CFAP299: variants seen among roughly 807,000 people sequenced by gnomAD.
CFAP299 encodes the protein cilia and flagella associated protein 299.
CFAP299 carries 21 observed loss-of-function variants against 27.0 expected under a neutral mutation model. The observed-to-expected ratio is 0.78, with a 90% confidence interval of 0.55 to 1.12. CFAP299 has a LOEUF of 1.12. Ranked by LOEUF, CFAP299 falls within the 50% of genes most tolerant of loss-of-function variation. The pLI is 0.00. For synonymous variants in CFAP299, 104 were observed against 98.1 expected (o/e 1.06, Z -0.36); for missense variants, 310 against 276.6 (o/e 1.12, Z -0.86).
chr4:80,362,936 G>C, intron 2 of CFAP299, 52 bp downstream of exon 2: 1 of 1,534,304 alleles, frequency 6.5e-7, no homozygotes, highest in Non-Finnish European at 8.7e-7. Context: ...TAGACCTCTG[G>C]AGTAATTCAA....
chr4:80,342,288 G>A (rs1387365608), intron 1 of CFAP299, among the ~76,000 whole-genome samples: 1 of 152,108 alleles, frequency 6.6e-6, no homozygotes, highest in Non-Finnish European at 1.5e-5. Context: ...AAGAAGATAG[G>A]CCAACATTCA....
intron 3 of CFAP299, among the ~76,000 whole-genome samples, chr4:80,697,796 A>T (rs1307818919): frequency 6.6e-6 from 1 of 152,244 alleles, no homozygotes; most frequent in Non-Finnish European, 1.5e-5. Flanking sequence ...GTGTGAGCTA[A>T]CATGGCATAG....
At chr4:80,756,839 T>C (rs1456419882) in intron 3 of CFAP299, among the ~76,000 whole-genome samples, 1 of 152,184 alleles carries the variant, frequency 6.6e-6, no homozygotes, top group Non-Finnish European at 1.5e-5. Context: ...AGATTAGAAA[T>C]ATTTTAAAGA....
rs141812642 is a variant in CFAP299 at position 80,615,679 on chromosome 4, G to C, written c.333+32496G>C. 1.3e-5 allele frequency among the ~76,000 whole-genome samples: 2 copies of C among 151,982 alleles called. 1 individual carries two copies. Among genetic ancestry groups the C allele is most frequent in the Non-Finnish European group, 2.9e-5 (2 of 68,008 alleles). ...AGCCTTCCAAGTAGCTGGGATCCCA[G>C]GTGTGAACCACCATGCCCTGCTTAG... is the stretch of plus-strand genomic sequence containing the variant. On this transcript the variant is annotated intron_variant, in intron 3 of 5. Transcript: ENST00000358105.
intron 2 of CFAP299, among the ~76,000 whole-genome samples, chr4:80,548,290 C>T (rs1287539754): frequency 6.6e-6 from 1 of 152,094 alleles, no homozygotes; most frequent in African/African-American, 2.4e-5. Flanking sequence ...AACAGAAATT[C>T]AAATACCTTA....
intron 2 of CFAP299, chr4:80,386,355 T>C: frequency 7.0e-7 from 1 of 1,434,730 alleles, no homozygotes; most frequent in Non-Finnish European, 9.5e-7. Context: ...CGCGTTCAGC[T>C]CTGCGAAGGG....
chr4:80,366,021 G>C (rs975665441), intron 2 of CFAP299, among the ~76,000 whole-genome samples: 17 of 152,338 alleles, frequency 1.1e-4, no homozygotes, highest in African/African-American at 4.1e-4. Context: ...GGTTGCCTTT[G>C]TAATGGGATG....
rs188696730 is a variant in CFAP299, at chr4:80,710,054, T to C, written c.333+126871T>C. ...ATAAAGTGGGAATAATACTAGCAAATGTAGCTGAAAGAAAATATGTAGAAT... is the reference window on the plus strand; with the variant it reads ...ATAAAGTGGGAATAATACTAGCAAACGTAGCTGAAAGAAAATATGTAGAAT... On this transcript the variant is annotated intron_variant, in intron 3 of 5. Transcript: ENST00000358105. Among the ~76,000 whole-genome samples the C allele has an allele frequency of 5.0e-3, 768 of 152,146 alleles. 5 individuals carry two copies. The highest frequency in any genetic ancestry group is 0.02 in the Middle Eastern group (6 of 294).
intron 2 of CFAP299, among the ~76,000 whole-genome samples, chr4:80,397,209 G>A (rs1725851147): frequency 6.6e-6 from 1 of 152,096 alleles, no homozygotes. Context: ...TTGTATTTCT[G>A]TGGGATCGGT....
chr4:80,563,513 A>T (rs948941093), intron 2 of CFAP299, among the ~76,000 whole-genome samples: 2 of 152,102 alleles, frequency 1.3e-5, no homozygotes, highest in Non-Finnish European at 2.9e-5. Context: ...TTATGGAAAC[A>T]CAACATATCA....
chr4:80,772,358 A>G (rs1726268779), intron 3 of CFAP299, among the ~76,000 whole-genome samples: 2 of 152,138 alleles, frequency 1.3e-5, no homozygotes, highest in South Asian at 4.1e-4. Flanking sequence ...AGGAGATGTG[A>G]CTGACCATAG....
intron 2 of CFAP299, among the ~76,000 whole-genome samples, chr4:80,363,969 C>T (rs571728851): frequency 3.9e-5 from 6 of 151,988 alleles, no homozygotes; most frequent in African/African-American, 1.4e-4. Context: ...AGCCTGTAGT[C>T]CCAGTTACTC....
chr4:80,887,786 C>G (rs1734045235), intron 4 of CFAP299, among the ~76,000 whole-genome samples: 1 of 151,788 alleles, frequency 6.6e-6, no homozygotes, highest in South Asian at 2.1e-4. Context: ...AGACATAGTG[C>G]AATAAGACAT....
At chr4:80,856,517 T>C (rs897554535) in intron 3 of CFAP299, among the ~76,000 whole-genome samples, 1 of 152,056 alleles carries the variant, frequency 6.6e-6, no homozygotes, top group African/African-American at 2.4e-5. Context: ...GGTTTTCTTC[T>C]AGGGTTTTTA....
intron 2 of CFAP299, among the ~76,000 whole-genome samples, chr4:80,421,773 A>C (rs1286364535): frequency 6.6e-6 from 1 of 152,218 alleles, no homozygotes; most frequent in Non-Finnish European, 1.5e-5. Context: ...ATTCTCAAAG[A>C]GATCTTTTAC....
intron 3 of CFAP299, among the ~76,000 whole-genome samples, chr4:80,620,998 C>T (rs1560660762): frequency 6.6e-6 from 1 of 152,020 alleles, no homozygotes; most frequent in Non-Finnish European, 1.5e-5. Flanking sequence ...TCCGCACTTA[C>T]CTAACAGCCT....
At chr4:80,603,749 A>G (rs1233531530) in intron 3 of CFAP299, among the ~76,000 whole-genome samples, 1 of 152,208 alleles carries the variant, frequency 6.6e-6, no homozygotes, top group African/African-American at 2.4e-5. Context: ...ATATGATAGA[A>G]TACTGTACAA....
At position 80,810,264 on chromosome 4, in the gene CFAP299, CTTGAAGGAACT is replaced by C. The variant is rs1430616385; in HGVS notation, c.334-59727_334-59717del. Among the ~76,000 whole-genome samples, 4 of 151,868 alleles carry C rather than the reference CTTGAAGGAACT, an allele frequency of 2.6e-5. No individual in the cohort carries two copies. In the East Asian group the frequency reaches 7.7e-4, roughly 29 times the overall value. On this transcript the variant is annotated intron_variant, in intron 3 of 5. Transcript: ENST00000358105. The stretch of plus-strand genomic sequence containing the variant: ...ATTTGTTAACGTTCCCTACCCAGCC[CTTGAAGGAACT>C]TAATCAGATTCTCTGCTTAGGTGTG...
chr4:80,737,340 A>G (rs1007253298), intron 3 of CFAP299, among the ~76,000 whole-genome samples: 19 of 152,142 alleles, frequency 1.2e-4, no homozygotes, highest in African/African-American at 4.3e-4. Context: ...AAAATAAAAT[A>G]AAAAAGCAGA....
Sources: allele counts gnomAD v4.1 joint callset (sites outside exome capture counted in the v4.1 genomes callset), GRCh38; gene constraint gnomAD v4.1.1; transcripts MANE v1.5; gene names NCBI Gene and HGNC (gene_info 2026-07-23, HGNC 2026-07-21).